KIF1C: variants seen among roughly 807,000 people sequenced by gnomAD.
KIF1C encodes the protein kinesin-like protein KIF1C.
A neutral mutation model predicts 126.5 loss-of-function variants in KIF1C; 61 were observed. The observed-to-expected ratio is 0.48, with a 90% CI of 0.39 to 0.60. KIF1C has a LOEUF of 0.60. Ranked by LOEUF, KIF1C falls within the 20% of genes least tolerant of loss-of-function variation. The pLI is 0.00. For missense variants in KIF1C, 1,315 were observed against 1,489.2 expected (o/e 0.88, Z 1.93); for synonymous variants, 640 against 580.6 (o/e 1.10, Z -1.47).
chr17:5,024,033 C>A lies in KIF1C; in HGVS notation c.3194C>A (p.Pro1065His). ...AAGCACAACTCTTATCCCCAGCCAC[C>A]CCAACCCTACCCAGCCCAGCGGCCC... ...PKKHNSYPQP[P>H]QPYPAQRPPG... The change falls in exon 23 of 23, where the codon CCC becomes CAC. Residue 1065 changes from proline (P) to histidine (H), a missense_variant. Coordinates refer to ENST00000320785, the MANE Select transcript of KIF1C (RefSeq NM_006612.6). The A allele has an allele frequency of 1.3e-6, 2 of 1,593,048 alleles. No individual in the cohort carries two copies. The highest frequency in any genetic ancestry group is 2.3e-5 in the South Asian group (2 of 88,504).
chr17:5,004,682 A>G lies in KIF1C; in HGVS notation c.1019+37A>G, dbSNP rs780348228. ...GGCTCTAGCAGGGATGGGGCAGCATAGGAAGAGTGCCAGGAGTTCAGAGGC... is the reference window on the plus strand; with the variant it reads ...GGCTCTAGCAGGGATGGGGCAGCATGGGAAGAGTGCCAGGAGTTCAGAGGC... On this transcript the variant is annotated intron_variant, in intron 12 of 22. Transcript: ENST00000320785. The G allele has an allele frequency of 3.1e-6, 5 of 1,606,112 alleles. No homozygotes were observed. The Admixed American group carries it at 8.3e-5, about 27-fold the overall frequency.
chr17:5,006,140 GA>G (rs1974726982), intron 13 of KIF1C, among the ~76,000 whole-genome samples: 1 of 149,412 alleles, frequency 6.7e-6, no homozygotes, highest in Admixed American at 6.7e-5. Context: ...CCAGGAGGTG[GA>G]GGTTGCGGTG....
rs987937514 is a variant in KIF1C at position 5,026,938 on chromosome 17, T to A, written c.*2787T>A. The A allele has an allele frequency of 6.6e-6, 1 of 151,870 alleles. No homozygotes were observed. The highest frequency in any genetic ancestry group is 2.4e-5 in the African/African-American group (1 of 41,340). 9.4% of individuals were successfully genotyped at this position (151,870 alleles called of 1,614,324 possible). A position where few individuals can be genotyped will look rare whatever the true frequency, so the allele number is the denominator to read the frequency against. ...CTGCCCCCCCCATCTCTACAAAAAA[T>A]AAAAATCAAAAATAATACTGTGGGC... On this transcript the variant is annotated 3_prime_UTR_variant, in exon 23 of 23. Transcript: ENST00000320785.
chr17:5,022,731 C>G lies in KIF1C; in HGVS notation c.2628+22C>G, dbSNP rs1975122110. The G allele has an allele frequency of 6.7e-7, 1 of 1,500,324 alleles. No homozygotes were observed. The allele number at this position is 1,500,324 out of a possible 1,614,324, so 92.9% of individuals were successfully genotyped here. A position where few individuals can be genotyped will look rare whatever the true frequency, so the allele number is the denominator to read the frequency against. ...CCAGGTAGGACTGGCCTTCTGCCTC[C>G]CTTCTCTCCTCCCTCGGCTCTTCAC... On this transcript the variant is annotated intron_variant, in intron 22 of 22. Transcript: ENST00000320785. The surrounding 1 kb of genome is among the most constrained non-coding windows in gnomAD (Gnocchi z 4.9).
In KIF1C at chr17:5,028,245, G is replaced by T. The variant is rs552386080; in HGVS notation, c.*4094G>T. On this transcript the variant is annotated 3_prime_UTR_variant, in exon 23 of 23. Coordinates refer to ENST00000320785, the MANE Select transcript of KIF1C (RefSeq NM_006612.6). Reference sequence around the variant, plus strand: ...GGAAATTAATTTGCTTTTCTTCATTGTCTTTCTTTGGAGCTGCTTTCCTTT... The same window carrying T: ...GGAAATTAATTTGCTTTTCTTCATTTTCTTTCTTTGGAGCTGCTTTCCTTT... The T allele has an allele frequency of 6.6e-6, 1 of 152,200 alleles. No individual in the cohort carries two copies. Among genetic ancestry groups the T allele is most frequent in the African/African-American group, 2.4e-5 (1 of 41,512 alleles). The allele number at this position is 152,200 out of a possible 1,614,324, so 9.4% of individuals were successfully genotyped here. A position where few individuals can be genotyped will look rare whatever the true frequency, so the allele number is the denominator to read the frequency against.
At chr17:5,009,658 G>A (rs1159716440) in intron 16 of KIF1C, among the ~76,000 whole-genome samples, 2 of 151,102 alleles carry the variant, frequency 1.3e-5, no homozygotes, top group Admixed American at 1.3e-4. Context: ...TGTGCTGGCG[G>A]GCGCCTGTAG....
At chr17:5,011,734 G>A (rs1177563916) in intron 16 of KIF1C, 2 of 152,138 alleles carry the variant, frequency 1.3e-5, no homozygotes, top group Non-Finnish European at 2.9e-5. Context: ...ACACCTCTGG[G>A]GGACACAGCT....
At chr17:5,003,586 C>T (rs1056601493) in intron 8 of KIF1C, 26 bp from the exon 9 acceptor site, 1 of 1,577,514 alleles carries the variant, frequency 6.3e-7, no homozygotes, top group East Asian at 2.2e-5. Flanking sequence ...CGCACCTTAT[C>T]TCCTGCCTGT....
rs115332491 is a variant in KIF1C at position 5,023,826 on chromosome 17, G to A, written c.2987G>A (p.Ser996Asn). The change falls in exon 23 of 23, where the codon AGC becomes AAC. Residue 996 changes from serine (S) to asparagine (N), a missense_variant. Ser to Asn is a conservative substitution (Grantham distance 46, BLOSUM62 1). Transcript: ENST00000320785. This position sits in a 1 kb window ranked among gnomAD's most constrained non-coding sequence, Gnocchi z 4.2. ...CGGGAGTCTTGGCCAGGGATGGGGA[G>A]CGGGGAGGCTCCAACTCCGCTCCAA... is the stretch of plus-strand genomic sequence containing the variant. ...QHRESWPGMG[S>N]GEAPTPLQPP... The A allele has an allele frequency of 3.9e-3, 5,853 of 1,518,520 alleles. 116 individuals are homozygous for A. In the East Asian group the frequency reaches 0.045, roughly 12 times the overall value. 94.1% of individuals were successfully genotyped at this position (1,518,520 alleles called of 1,614,324 possible). A position where few individuals can be genotyped will look rare whatever the true frequency, so the allele number is the denominator to read the frequency against.
intron 13 of KIF1C, 121 bp from the exon 14 acceptor site, chr17:5,006,794 G>A: frequency 2.0e-6 from 2 of 1,017,976 alleles, no homozygotes; most frequent in Non-Finnish European, 2.9e-6. Context: ...GTAGGAGGCT[G>A]ACCAGCAGTC....
intron 16 of KIF1C, among the ~76,000 whole-genome samples, chr17:5,009,196 T>G (rs1414131824): frequency 1.3e-5 from 2 of 151,868 alleles, no homozygotes; most frequent in East Asian, 3.9e-4. Context: ...CTTTTTTTTT[T>G]TGAGACGGGG....
At chr17:5,014,708 C>T in intron 17 of KIF1C, 35 bp from the exon 18 acceptor site, 1 of 1,494,210 alleles carries the variant, frequency 6.7e-7, no homozygotes, top group Non-Finnish European at 9.2e-7. Flanking sequence ...TAAAGTCTGG[C>T]ACATGCTCAC....
At chr17:5,004,677 A>G (rs1974684550) in intron 12 of KIF1C, 32 bp downstream of exon 12, 1 of 1,608,342 alleles carries the variant, frequency 6.2e-7, no homozygotes, top group Non-Finnish European at 8.5e-7. Flanking sequence ...GGGATGGGGC[A>G]GCATAGGAAG....
Position 5,023,451 on chromosome 17 carries a change from T to G in KIF1C, c.2629-17T>G. 6.2e-7 allele frequency: 1 copy of G among 1,609,490 alleles called. No homozygotes were observed. Among genetic ancestry groups the G allele is most frequent in the Non-Finnish European group, 8.5e-7 (1 of 1,176,536 alleles). On this transcript the variant is annotated splice_polypyrimidine_tract_variant and intron_variant, in intron 22 of 22. Transcript: ENST00000320785. The surrounding 1 kb of genome is among the most constrained non-coding windows in gnomAD (Gnocchi z 4.2). Reference sequence around the variant, plus strand: ...TCTCCTCACATCCCTTCTCCTTTTCTCACTCCTCCCTCCCAGGATCATGAG... The same window carrying G: ...TCTCCTCACATCCCTTCTCCTTTTCGCACTCCTCCCTCCCAGGATCATGAG...
At chr17:5,004,675 G>A in intron 12 of KIF1C, 30 bp downstream of exon 12, 7 of 1,608,854 alleles carry the variant, frequency 4.4e-6, no homozygotes, top group Non-Finnish European at 6.0e-6. Context: ...CAGGGATGGG[G>A]CAGCATAGGA....
rs1975238749 is a variant in KIF1C at position 5,028,052 on chromosome 17, T to G, written c.*3901T>G. ...AAATTCAATCTTCCCAGGCATTTCA[T>G]GAACTTGCGTCTAGTTTCTGTTCCC... is the stretch of plus-strand genomic sequence containing the variant. On this transcript the variant is annotated 3_prime_UTR_variant, in exon 23 of 23. Transcript: ENST00000320785. 6.6e-6 allele frequency: 1 copy of G among 152,214 alleles called. No individual in the cohort carries two copies. Among genetic ancestry groups the G allele is most frequent in the African/African-American group, 2.4e-5 (1 of 41,454 alleles). 9.4% of individuals were successfully genotyped at this position (152,214 alleles called of 1,614,324 possible).
At position 5,002,735 on chromosome 17, in the gene KIF1C, G is replaced by C; in HGVS notation, c.613G>C (p.Val205Leu). 1 of 1,614,106 alleles carries C rather than the reference G, an allele frequency of 6.2e-7. No homozygotes were observed. The highest frequency in any genetic ancestry group is 8.5e-7 in the Non-Finnish European group (1 of 1,179,986). ...GACTGCTTTCTTTACCCTAAGGACT[G>C]TGGCTGCCACCAACATGAATGAGAC... is the stretch of plus-strand genomic sequence containing the variant. Reference protein sequence around the residue: ...LMDCGNKARTVAATNMNETSS... With the variant: ...LMDCGNKARTLAATNMNETSS... Residue 205 changes from valine (V) to leucine (L), a missense_variant, in exon 8 of 23, where the codon GTG becomes CTG. Around this residue, in one of 2 missense-constraint regions of KIF1C, gnomAD observed 874 missense variants for 1,053.2 expected, o/e 0.83. Coordinates refer to ENST00000320785, the MANE Select transcript of KIF1C (RefSeq NM_006612.6).
intron 16 of KIF1C, among the ~76,000 whole-genome samples, chr17:5,008,313 A>C (rs1974780483): frequency 6.6e-6 from 1 of 152,212 alleles, no homozygotes; most frequent in Admixed American, 6.5e-5. Context: ...GGATATAGAC[A>C]GCCAGCACCG....
In KIF1C at chr17:5,006,906, C is replaced by A; in HGVS notation, c.1166-9C>A. The A allele has an allele frequency of 6.2e-7, 1 of 1,611,376 alleles. No homozygotes were observed. Among genetic ancestry groups the A allele is most frequent in the Non-Finnish European group, 8.5e-7 (1 of 1,179,324 alleles). ...TAGCCTCATTCTTTTTCCTCTTTCT[C>A]CCTCCCAGGCCTGAAGACGGAAGAA... On this transcript the variant is annotated splice_polypyrimidine_tract_variant and intron_variant, in intron 13 of 22. Transcript: ENST00000320785.
Sources: allele counts gnomAD v4.1 joint callset (sites outside exome capture counted in the v4.1 genomes callset), GRCh38; gene constraint gnomAD v4.1.1; regional missense constraint gnomAD v4.1.1; non-coding constraint Gnocchi (gnomAD v3.1); transcripts MANE v1.5; gene names NCBI Gene and HGNC (gene_info 2026-07-23, HGNC 2026-07-21).